The following TSC2 variants were observed in gnomAD, a reference collection of about 807,000 sequenced individuals.
TSC2 encodes the protein tuberin.
A neutral mutation model predicts 202.2 loss-of-function variants in TSC2; 29 were observed. That is an observed-to-expected ratio of 0.14 (90% confidence interval 0.11 to 0.20). The LOEUF is 0.20. TSC2 is among the 10% of genes least tolerant of loss of function. The pLI, the probability that TSC2 is intolerant of heterozygous loss-of-function variation, is 1.00. For synonymous variants in TSC2, 1,349 were observed against 1,044.0 expected (o/e 1.29, Z -5.63); for missense variants, 2,429 against 2,420.0 (o/e 1.00, Z -0.08).
intron 5 of TSC2, chr16:2,054,732 G>C: frequency 2.0e-6 from 1 of 503,428 alleles, no homozygotes; most frequent in Non-Finnish European, 3.6e-6. Context: ...TCTGTCACTG[G>C]GAGGTGGTGC....
intron 36 of TSC2, 134 bp from the exon 37 acceptor site, chr16:2,086,059 C>G (rs940592836): frequency 9.6e-7 from 1 of 1,041,932 alleles, no homozygotes. Context: ...TGGGTGGCTG[C>G]TGGAATGGAT....
intron 38 of TSC2, among the ~76,000 whole-genome samples, chr16:2,087,420 A>G (rs982354168): frequency 6.9e-6 from 1 of 145,896 alleles, no homozygotes; most frequent in Non-Finnish European, 1.5e-5. Context: ...CGGGGCTGGT[A>G]GTCAGAGTCC....
chr16:2,058,986 C>T, intron 10 of TSC2, 113 bp downstream of exon 10: 3 of 1,510,552 alleles, frequency 2.0e-6, no homozygotes, highest in Non-Finnish European at 2.7e-6. Context: ...CATTTCTAGG[C>T]CTTTCCAGGC....
chr16:2,062,894 C>T lies in TSC2; in HGVS notation c.1362-78C>T, dbSNP rs2086809164. On this transcript the variant is annotated intron_variant, in intron 13 of 41. Transcript: ENST00000219476. ...GCGGGAGGACCCAGAGTCGGGCTGG[C>T]CTGCGCCAGGCAGACGGGCTGGTGT... 3.3e-6 allele frequency: 5 copies of T among 1,494,892 alleles called. No individual in the cohort carries two copies. In the South Asian group the frequency reaches 6.0e-5, roughly 18 times the overall value. The allele number at this position is 1,494,892 out of a possible 1,614,324, so 92.6% of individuals were successfully genotyped here. A position where few individuals can be genotyped will look rare whatever the true frequency, so the allele number is the denominator to read the frequency against.
rs368710573 is a variant in TSC2 at position 2,071,599 on chromosome 16, C to T, written c.1929C>T (p.Tyr643=). The T allele has an allele frequency of 2.5e-6, 4 of 1,613,440 alleles. No individual in the cohort carries two copies. The highest frequency in any genetic ancestry group is 1.6e-4 in the Middle Eastern group (1 of 6,062). Residue 643 remains tyrosine, a synonymous_variant, in exon 18 of 42, where the codon TAC becomes TAT. Coordinates refer to ENST00000219476, the MANE Select transcript of TSC2 (RefSeq NM_000548.5). ...NKDGVVRFSP[Y]CVCDYMEPER... The stretch of plus-strand genomic sequence containing the variant: ...ATGGAGTCGTGCGGTTCAGCCCCTA[C>T]TGCGTCTGCGACTACATGTACGCGG...
chr16:2,056,160 C>G (rs397515057), intron 6 of TSC2, 36 bp from the exon 7 acceptor site: 24 of 1,612,912 alleles, frequency 1.5e-5, no homozygotes, highest in Non-Finnish European at 2.0e-5. Context: ...GCCATCCAGG[C>G]AGTGCTGCCG....
chr16:2,077,713 C>A lies in TSC2; in HGVS notation c.2953C>A (p.His985Asn), dbSNP rs1165133936. 1 of 1,612,786 alleles carries A rather than the reference C, an allele frequency of 6.2e-7. No individual in the cohort carries two copies. Among genetic ancestry groups the A allele is most frequent in the Non-Finnish European group, 8.5e-7 (1 of 1,180,024 alleles). The change falls in exon 26 of 42, where the codon CAT (histidine) becomes AAT (asparagine). Residue 985 changes from histidine (H) to asparagine (N), a missense_variant. Coordinates refer to ENST00000219476, the MANE Select transcript of TSC2 (RefSeq NM_000548.5). Reference protein sequence around the residue: ...FRCRSISVSEHVVRSRIQTSL... With the variant: ...FRCRSISVSENVVRSRIQTSL... ...GTGCCGCAGCATCAGTGTGTCTGAA[C>A]ATGTGGTCCGCAGGTAGCGGGACTG...
chr16:2,052,966 G>C (rs578143299), intron 3 of TSC2, among the ~76,000 whole-genome samples: 1 of 152,196 alleles, frequency 6.6e-6, no homozygotes, highest in Non-Finnish European at 1.5e-5. Flanking sequence ...AGGGCTTAGT[G>C]TGCACTTGTG....
chr16:2,073,305 T>G (rs1027594982), intron 21 of TSC2, among the ~76,000 whole-genome samples: 3 of 152,242 alleles, frequency 2.0e-5, no homozygotes, highest in African/African-American at 4.8e-5. Context: ...GGAGCTGGGC[T>G]GGTTCTGAGG....
intron 31 of TSC2, 32 bp from the exon 32 acceptor site, chr16:2,082,404 C>G: frequency 6.2e-7 from 1 of 1,610,936 alleles, no homozygotes; most frequent in Non-Finnish European, 8.5e-7. Flanking sequence ...CCTCCTCCTG[C>G]TGACGTGGCC....
Position 2,089,045 on chromosome 16 carries a change from G to A in TSC2, c.*435G>A. The A allele has an allele frequency of 5.1e-6, 1 of 195,304 alleles. No homozygotes were observed. Among genetic ancestry groups the A allele is most frequent in the African/African-American group, 2.3e-5 (1 of 42,790 alleles). The allele number at this position is 195,304 out of a possible 1,614,324, so 12.1% of individuals were successfully genotyped here. On this transcript the variant is annotated 3_prime_UTR_variant, in exon 42 of 42. Transcript: ENST00000219476. Reference sequence around the variant, plus strand: ...CGCTGCTCTCTTGCTACCTGGCCTGGGGCAAGGGAGGATGACAAGGCCTCT... The same window carrying A: ...CGCTGCTCTCTTGCTACCTGGCCTGAGGCAAGGGAGGATGACAAGGCCTCT...
At position 2,048,270 on chromosome 16, in the gene TSC2, A is replaced by G. The variant is rs1023464622; in HGVS notation, c.-30+205A>G. ...GGCTCCGTGACAGCTCCTGCTTCAC[A>G]TGGGTAGAGGAGAGACGGCAAACGT... On this transcript the variant is annotated intron_variant, in intron 1 of 41. Transcript: ENST00000219476. The G allele has an allele frequency of 2.4e-6, 3 of 1,232,678 alleles. No homozygotes were observed. Among genetic ancestry groups the G allele is most frequent in the Non-Finnish European group, 3.5e-6 (3 of 856,410 alleles). 76.4% of individuals were successfully genotyped at this position (1,232,678 alleles called of 1,614,324 possible).
chr16:2,084,689 A>G lies in TSC2; in HGVS notation c.4467A>G (p.Ala1489=). The change falls in exon 34 of 42, where the codon GCA becomes GCG. Residue 1489 remains alanine, a synonymous_variant. Coordinates refer to ENST00000219476, the MANE Select transcript of TSC2 (RefSeq NM_000548.5). ...AGAGCAGAGCCACAGCCTCCAATGC[A>G]GAGAAAGTGCCAGGCATCAACCCCA... ...ALKSRATASN[A]EKVPGINPSF... is the part of the protein sequence containing the mutation. The G allele has an allele frequency of 1.9e-6, 3 of 1,598,422 alleles. No individual in the cohort carries two copies. Among genetic ancestry groups the G allele is most frequent in the African/African-American group, 1.3e-5 (1 of 75,028 alleles).
At chr16:2,063,533 T>C (rs1034541872) in intron 14 of TSC2, 61 of 273,996 alleles carry the variant, frequency 2.2e-4, no homozygotes, top group Non-Finnish European at 3.8e-4. Flanking sequence ...TTTGTGTGCC[T>C]GCCAGTCATA....
chr16:2,073,078 C>T, intron 21 of TSC2, 95 bp downstream of exon 21: 1 of 1,578,214 alleles, frequency 6.3e-7, no homozygotes, highest in South Asian at 1.1e-5. Context: ...AAACGAGTTT[C>T]TGCCAGGCCA....
chr16:2,078,930 G>T, intron 26 of TSC2, 102 bp from the exon 27 acceptor site: 1 of 1,515,412 alleles, frequency 6.6e-7, no homozygotes, highest in African/African-American at 1.4e-5. Context: ...CTTTCCGAGC[G>T]AGGTCCTCAG....
chr16:2,048,393 C>T (rs902844219), intron 1 of TSC2, 194 bp from the exon 2 acceptor site: 7 of 850,932 alleles, frequency 8.2e-6, no homozygotes, highest in African/African-American at 5.1e-5. Context: ...TAGACCAGGC[C>T]TGGTGTCTCC....
intron 8 of TSC2, 101 bp from the exon 9 acceptor site, chr16:2,057,004 T>G (rs1190091389): frequency 1.8e-5 from 27 of 1,481,804 alleles, no homozygotes; most frequent in African/African-American, 2.8e-5. Flanking sequence ...GGCCGGACCT[T>G]GGGTGGCTAT....
chr16:2,064,080 G>T, intron 14 of TSC2, 192 bp from the exon 15 acceptor site: 2 of 822,170 alleles, frequency 2.4e-6, no homozygotes, highest in Non-Finnish European at 4.1e-6. Context: ...CGAGGAGCTG[G>T]ACAGGATCCC....
Sources: allele counts gnomAD v4.1 joint callset (sites outside exome capture counted in the v4.1 genomes callset), GRCh38; gene constraint gnomAD v4.1.1; transcripts MANE v1.5; gene names NCBI Gene and HGNC (gene_info 2026-07-23, HGNC 2026-07-21).